Variants in EEFSEC observed in about 807,000 individuals in gnomAD.
The protein encoded by EEFSEC is eukaryotic elongation factor, selenocysteine-tRNA specific.
In EEFSEC, 43 loss-of-function variants were observed where a neutral mutation model predicts 42.1. That is an observed-to-expected ratio of 1.02 (90% CI 0.80 to 1.32). The LOEUF (loss-of-function observed/expected upper bound fraction) is 1.32, where lower values mean the gene tolerates loss of function less well. Among genes scored for constraint, EEFSEC ranks in the 40% most tolerant of loss-of-function variants. EEFSEC has a pLI of 0.00. For missense variants in EEFSEC, 745 were observed against 803.6 expected, an observed-to-expected ratio of 0.93 and a Z score of 0.88; for synonymous variants, 354 against 339.1, an observed-to-expected ratio of 1.04 and a Z score of -0.48.
At chr3:128,410,667 C>T (rs992377870), downstream of EEFSEC, among the ~76,000 whole-genome samples, 5 of 152,176 alleles carry the variant, frequency 3.3e-5, no homozygotes, top group African/African-American at 1.2e-4. Flanking sequence ...CAGAGGGCTG[C>T]CCTGGGGGTG....
At position 128,236,792 on chromosome 3, in the gene EEFSEC, C is replaced by A. The variant is rs141546780; in HGVS notation, c.317-10044C>A. ...TCCTTCTCAATGAGGCCTCTCCTGA[C>A]AGCCTGATTTAAAATTGCAGGCCAC... On this transcript the variant is annotated intron_variant, in intron 1 of 6. Coordinates refer to ENST00000254730, the MANE Select transcript of EEFSEC (RefSeq NM_021937.5). 1.3e-3 allele frequency among the ~76,000 whole-genome samples: 192 copies of A among 152,376 alleles called. 1 individual carries two copies. Among genetic ancestry groups the A allele is most frequent in the African/African-American group, 4.5e-3 (187 of 41,588 alleles).
intron 4 of EEFSEC, among the ~76,000 whole-genome samples, chr3:128,316,888 C>G (rs1251665429): frequency 6.6e-6 from 1 of 152,172 alleles, no homozygotes; most frequent in East Asian, 1.9e-4. Flanking sequence ...AATCCCAGCC[C>G]CGACCTTCCT....
chr3:128,283,642 C>T (rs1328919394), intron 4 of EEFSEC, among the ~76,000 whole-genome samples: 1 of 152,180 alleles, frequency 6.6e-6, no homozygotes, highest in Non-Finnish European at 1.5e-5. Flanking sequence ...AGCACTGTCT[C>T]CCCTAGGAGT....
the EEFSEC span, among the ~76,000 whole-genome samples, chr3:128,423,753 T>C: frequency 6.6e-6 from 1 of 152,236 alleles, no homozygotes; most frequent in East Asian, 1.9e-4. Flanking sequence ...ATTGTAGTGA[T>C]GGTTGTACAA....
At chr3:128,279,806 G>C (rs1343863014) in intron 4 of EEFSEC, among the ~76,000 whole-genome samples, 3 of 152,218 alleles carry the variant, frequency 2.0e-5, no homozygotes, top group Non-Finnish European at 2.9e-5. Context: ...TTCCTGGGGG[G>C]ACTAATTCCT....
rs1157624094 is a variant in EEFSEC at position 128,353,326 on chromosome 3, T to G, written c.1444-4891T>G. On this transcript the variant is annotated intron_variant, in intron 5 of 6. Transcript: ENST00000254730. ...ATAGGTGGGGAAAGTTTAGCCTCCC[T>G]CCAACAGCAGTGCAGTCCTTCTCAG... 3.9e-5 allele frequency among the ~76,000 whole-genome samples: 6 copies of G among 152,288 alleles called. No homozygotes were observed. In the South Asian group the frequency reaches 1.2e-3, roughly 32 times the overall value.
At chr3:128,424,969 TCA>T in the EEFSEC span, among the ~76,000 whole-genome samples, 10 of 152,028 alleles carry the variant, frequency 6.6e-5, no homozygotes, top group African/African-American at 2.4e-4. Context: ...TCAGGGCCTC[TCA>T]CCAAGCAGGT....
At chr3:128,159,961 G>A (rs900989723) in intron 1 of EEFSEC, among the ~76,000 whole-genome samples, 1 of 152,244 alleles carries the variant, frequency 6.6e-6, no homozygotes, top group Admixed American at 6.5e-5. Flanking sequence ...TGAGACCAGA[G>A]CAGGAACCTT....
intron 4 of EEFSEC, among the ~76,000 whole-genome samples, chr3:128,267,138 G>C (rs900688294): frequency 6.6e-6 from 1 of 152,110 alleles, no homozygotes; most frequent in East Asian, 1.9e-4. Flanking sequence ...GGAGAAAAAG[G>C]TTTTTGATAA....
At chr3:128,170,508 A>T (rs981580870) in intron 1 of EEFSEC, among the ~76,000 whole-genome samples, 1 of 152,214 alleles carries the variant, frequency 6.6e-6, no homozygotes, top group Non-Finnish European at 1.5e-5. Flanking sequence ...CTAAAAAAAA[A>T]AAAAGCTTTC....
At chr3:128,411,976 A>C (rs888402583), downstream of EEFSEC, among the ~76,000 whole-genome samples, 11 of 152,166 alleles carry the variant, frequency 7.2e-5, no homozygotes, top group African/African-American at 2.7e-4. Context: ...ACGTGTCTGC[A>C]TGTGCTCCGT....
chr3:128,366,009 G>A (rs1225089933), intron 6 of EEFSEC, among the ~76,000 whole-genome samples: 1 of 152,204 alleles, frequency 6.6e-6, no homozygotes, highest in Non-Finnish European at 1.5e-5. Context: ...TGTTGACCAG[G>A]CAACAGATTG....
At chr3:128,358,414 A>T (rs568318060) in intron 6 of EEFSEC, 41 bp downstream of exon 6, 2 of 1,604,628 alleles carry the variant, frequency 1.2e-6, no homozygotes, top group Admixed American at 1.7e-5. Flanking sequence ...GACACCGTGC[A>T]GGGCACAGAG....
intron 6 of EEFSEC, among the ~76,000 whole-genome samples, chr3:128,378,421 A>G (rs951888243): frequency 8.5e-5 from 13 of 152,208 alleles, no homozygotes; most frequent in African/African-American, 3.1e-4. Context: ...ATCCAAGGAC[A>G]GCCTGTGACC....
At position 128,335,344 on chromosome 3, in the gene EEFSEC, G is replaced by T. The variant is rs568923820; in HGVS notation, c.787-5889G>T. ...AGGTGCTAGAGAGTGACAGGGATAGGCCAATGCCTGTCTCTTGCTGGGTGG... is the reference window on the plus strand; with the variant it reads ...AGGTGCTAGAGAGTGACAGGGATAGTCCAATGCCTGTCTCTTGCTGGGTGG... On this transcript the variant is annotated intron_variant, in intron 4 of 6. Transcript: ENST00000254730. Among the ~76,000 whole-genome samples, 42 of 152,306 alleles carry T rather than the reference G, an allele frequency of 2.8e-4. 2 individuals are homozygous for T. The South Asian group carries it at 8.3e-3, about 30-fold the overall frequency.
intron 5 of EEFSEC, among the ~76,000 whole-genome samples, chr3:128,350,152 C>T (rs971717026): frequency 3.9e-5 from 6 of 152,256 alleles, no homozygotes; most frequent in Admixed American, 1.3e-4. Flanking sequence ...TCTGAAGCGG[C>T]GCTGCCTCCT....
intron 4 of EEFSEC, among the ~76,000 whole-genome samples, chr3:128,301,120 C>G (rs764870777): frequency 6.6e-6 from 1 of 152,144 alleles, no homozygotes; most frequent in African/African-American, 2.4e-5. Flanking sequence ...CAGCTCCAGG[C>G]TAGAGCATGT....
At chr3:128,161,859 G>A (rs1318047344) in intron 1 of EEFSEC, among the ~76,000 whole-genome samples, 1 of 152,136 alleles carries the variant, frequency 6.6e-6, no homozygotes, top group Non-Finnish European at 1.5e-5. Context: ...TGTGATACCC[G>A]TTAGGCATCT....
intron 4 of EEFSEC, among the ~76,000 whole-genome samples, chr3:128,334,956 C>T (rs1017559917): frequency 6.6e-6 from 1 of 152,224 alleles, no homozygotes; most frequent in Non-Finnish European, 1.5e-5. Flanking sequence ...GGCCCCTGGG[C>T]AGCAGGCCCC....
Sources: gnomAD v4.1 joint callset for allele counts (sites outside exome capture counted in the v4.1 genomes callset) on GRCh38, gnomAD v4.1.1 for gene constraint, MANE v1.5 for transcripts, NCBI Gene and HGNC (gene_info 2026-07-23, HGNC 2026-07-21) for gene names.